The following F8 variants were observed in gnomAD, a reference collection of about 807,000 sequenced individuals.
The protein encoded by F8 is coagulation factor VIII.
In F8, 12 loss-of-function variants were observed where a neutral mutation model predicts 140.6. The ratio of observed to expected loss-of-function variants is 0.09; its 90% CI spans 0.05 to 0.14. The LOEUF (loss-of-function observed/expected upper bound fraction) is 0.14. Ranked by LOEUF, F8 falls within the 10% of genes least tolerant of loss-of-function variation. The pLI is 1.00. For missense variants in F8, 1,354 were observed against 1,720.7 expected (o/e 0.79, Z 3.77); for synonymous variants, 585 against 614.6 (o/e 0.95, Z 0.71).
intron 14 of F8, 79 bp downstream of exon 14, chrX:154,928,492 A>C: frequency 1.1e-6 from 1 of 880,627 alleles, no homozygotes; most frequent in East Asian, 3.1e-5. Flanking sequence ...TCATCCTCTA[A>C]CTCTCATTGT....
At chrX:154,880,089 C>T (rs2072849105) in intron 22 of F8, among the ~76,000 whole-genome samples, 1 of 112,063 alleles carries the variant, frequency 8.9e-6, no homozygotes, top group Non-Finnish European at 1.9e-5. Context: ...TTTTAACTAA[C>T]AATGGGTTTA....
At chrX:154,919,103 A>G (rs1219560352) in intron 14 of F8, 2 of 110,937 alleles carry the variant, frequency 1.8e-5, no homozygotes, top group Admixed American at 9.6e-5. Context: ...TCCTTTCCCA[A>G]TTTTGGCTTA....
intron 25 of F8, among the ~76,000 whole-genome samples, chrX:154,859,713 C>A (rs1603431466): frequency 1.8e-5 from 2 of 111,401 alleles, no homozygotes. Context: ...CTTCAGTTCA[C>A]CAAACTGCCA....
chrX:154,935,105 T>C (rs2073216528), intron 13 of F8, among the ~76,000 whole-genome samples: 2 of 110,703 alleles, frequency 1.8e-5, no homozygotes, highest in Admixed American at 1.9e-4. Context: ...GAGGCTGCAG[T>C]GAGCCATGAT....
At chrX:155,013,800 T>A (rs1166129598) in intron 1 of F8, among the ~76,000 whole-genome samples, 4 of 111,736 alleles carry the variant, frequency 3.6e-5, no homozygotes, top group African/African-American at 1.3e-4. Context: ...CAGTTTCTAG[T>A]GGAGCCCTCT....
chrX:154,867,690 C>CAAGAAAA (rs2072741810), intron 22 of F8, among the ~76,000 whole-genome samples: 1 of 41,828 alleles, frequency 2.4e-5, no homozygotes, highest in African/African-American at 8.4e-5. Flanking sequence ...GACTCTGTCT[C>CAAGAAAA]AAAAAAAAAA....
chrX:154,900,017 A>G (rs1410219013), intron 20 of F8, 66 bp from the exon 21 acceptor site: 2 of 990,128 alleles, frequency 2.0e-6, no homozygotes, highest in African/African-American at 3.8e-5. Flanking sequence ...TGAGAATAAA[A>G]TTATTGTCTT....
At chrX:154,872,841 T>C (rs1423969619) in intron 22 of F8, among the ~76,000 whole-genome samples, 1 of 111,702 alleles carries the variant, frequency 9.0e-6, no homozygotes, top group Non-Finnish European at 1.9e-5. Context: ...TTCTGTAAAG[T>C]TGCAGGATAC....
chrX:155,010,223 T>A (rs1382848022), intron 1 of F8, among the ~76,000 whole-genome samples: 3 of 112,499 alleles, frequency 2.7e-5, no homozygotes, highest in African/African-American at 9.7e-5. Flanking sequence ...TTTTACTCCT[T>A]CCTAACTTTT....
chrX:154,909,115 T>G (rs1438585490), intron 14 of F8: 1 of 284,913 alleles, frequency 3.5e-6, no homozygotes, highest in Non-Finnish European at 6.8e-6. Context: ...GAAGCCCACA[T>G]TGTCCCCAAG....
chrX:154,837,230 A>G lies in F8; in HGVS notation c.*367T>C, dbSNP rs1305274738. 8.8e-6 allele frequency: 2 copies of G among 227,381 alleles called. No individual in the cohort carries two copies. Among genetic ancestry groups the G allele is most frequent in the Admixed American group, 6.2e-5 (1 of 16,148 alleles). 18.7% of individuals were successfully genotyped at this position (227,381 alleles called of 1,213,427 possible). On this transcript the variant is annotated 3_prime_UTR_variant, in exon 26 of 26. Transcript: ENST00000360256. Reference sequence around the variant, plus strand: ...AACCTGAAATGTTAACATCATAAATATCTTTTTCAAAGTTTCATCACATAG... The same window carrying G: ...AACCTGAAATGTTAACATCATAAATGTCTTTTTCAAAGTTTCATCACATAG...
chrX:154,911,357 A>C (rs1603433206), intron 14 of F8, among the ~76,000 whole-genome samples: 1 of 100,773 alleles, frequency 9.9e-6, no homozygotes, highest in Non-Finnish European at 2.0e-5. Flanking sequence ...ATTCCATCCC[A>C]CCCCCCCATA....
chrX:154,837,549 C>T lies in F8; in HGVS notation c.*48G>A. 8.5e-7 allele frequency: 1 copy of T among 1,174,000 alleles called. No individual in the cohort carries two copies. Among genetic ancestry groups the T allele is most frequent in the Non-Finnish European group, 1.1e-6 (1 of 873,418 alleles). On this transcript the variant is annotated 3_prime_UTR_variant, in exon 26 of 26. Transcript: ENST00000360256. The stretch of plus-strand genomic sequence containing the variant: ...GCCAGGGAGGGACACTGCCCTGGAG[C>T]TGAGGAGGGAGAGGTGACGGCAGTG...
intron 5 of F8, among the ~76,000 whole-genome samples, chrX:154,985,091 C>T (rs782069068): frequency 1.8e-5 from 2 of 112,091 alleles, no homozygotes; most frequent in South Asian, 7.5e-4. Context: ...CTTGAGGCAT[C>T]AGGATTCAAT....
intron 6 of F8, among the ~76,000 whole-genome samples, chrX:154,971,680 A>G (rs1193158053): frequency 9.0e-6 from 1 of 111,012 alleles, no homozygotes; most frequent in African/African-American, 3.3e-5. Context: ...ATCTCTCCCC[A>G]TCTCCCACTT....
intron 10 of F8, among the ~76,000 whole-genome samples, chrX:154,957,905 A>G (rs1199264484): frequency 9.1e-6 from 1 of 109,766 alleles, no homozygotes; most frequent in African/African-American, 3.3e-5. Context: ...AAAGAAAGAA[A>G]GAAAGAAAGG....
rs781804567 is a variant in F8, at chrX:154,928,804, C to T, written c.4986G>A (p.Leu1662=). The stretch of plus-strand genomic sequence containing the variant: ...GAGTTATTTCCCGTTGATGGCGTTT[C>T]AAGACTGGTGGGTTTTGAGAGCACA... ...ERLCSQNPPV[L]KRHQREITRT... Residue 1662 remains leucine, a synonymous_variant, in exon 14 of 26, where the codon TTG becomes TTA. Transcript: ENST00000360256. 8.8e-5 allele frequency: 107 copies of T among 1,210,032 alleles called. No individual in the cohort carries two copies. Among genetic ancestry groups the T allele is most frequent in the Non-Finnish European group, 1.2e-4 (105 of 895,234 alleles).
chrX:155,002,757 G>A (rs1314926205), intron 1 of F8, among the ~76,000 whole-genome samples: 1 of 111,291 alleles, frequency 9.0e-6, no homozygotes, highest in East Asian at 2.8e-4. Flanking sequence ...TGGATCATAT[G>A]GTAATTCTGT....
chrX:154,876,002 T>C (rs180841851), intron 22 of F8, among the ~76,000 whole-genome samples: 107 of 111,084 alleles, frequency 9.6e-4, no homozygotes, highest in African/African-American at 3.3e-3. Flanking sequence ...TAAGAAATAC[T>C]GAAAATGATA....
Sources: gnomAD v4.1 joint callset for allele counts (sites outside exome capture counted in the v4.1 genomes callset) on GRCh38, gnomAD v4.1.1 for gene constraint, MANE v1.5 for transcripts, NCBI Gene and HGNC (gene_info 2026-07-23, HGNC 2026-07-21) for gene names.